Variants in KIAA1671 observed in about 807,000 individuals in gnomAD.
The protein encoded by KIAA1671 is KIAA1671.
Under a neutral mutation model 131.2 loss-of-function variants are expected in KIAA1671, and 52 were observed. That is an observed-to-expected ratio of 0.40 (90% CI 0.32 to 0.50). The LOEUF (loss-of-function observed/expected upper bound fraction) is 0.50, where lower values mean the gene tolerates loss of function less well. Among genes scored for constraint, KIAA1671 ranks in the 20% least tolerant of loss-of-function variants. The probability of loss-of-function intolerance (pLI) is 0.73; values close to 1 mark genes in which losing one functional copy is unlikely to be tolerated. For missense variants in KIAA1671, 2,360 were observed against 2,364.2 expected, an observed-to-expected ratio of 1.00 and a Z score of 0.04; for synonymous variants, 1,003 against 961.6, an observed-to-expected ratio of 1.04 and a Z score of -0.80.
chr22:25,062,094 C>T, intron 6 of KIAA1671: 1 of 151,462 alleles, frequency 6.6e-6, no homozygotes. Context: ...GCCATGTTGC[C>T]AAGGCTGGTA....
At chr22:24,962,802 A>T (rs1157127226) in intron 1 of KIAA1671, among the ~76,000 whole-genome samples, 2 of 152,118 alleles carry the variant, frequency 1.3e-5, no homozygotes, top group African/African-American at 4.8e-5. Context: ...GGGGCCCTGC[A>T]TCTGAGCCGG....
At chr22:24,994,399 G>A (rs969793272) in intron 1 of KIAA1671, among the ~76,000 whole-genome samples, 1 of 152,216 alleles carries the variant, frequency 6.6e-6, no homozygotes, top group Non-Finnish European at 1.5e-5. Flanking sequence ...GGGCTCAGCT[G>A]TGCTGGGGAC....
intron 9 of KIAA1671, 53 bp downstream of exon 9, chr22:25,177,575 T>G (rs1934082146): frequency 4.1e-6 from 6 of 1,468,880 alleles, no homozygotes; most frequent in Non-Finnish European, 5.5e-6. Flanking sequence ...GCAGGAAGGA[T>G]TTAGACTAAG....
chr22:24,991,503 C>G (rs1342483953), intron 1 of KIAA1671, among the ~76,000 whole-genome samples: 1 of 151,552 alleles, frequency 6.6e-6, no homozygotes, highest in Non-Finnish European at 1.5e-5. Flanking sequence ...TGCTTTGTCC[C>G]CAGGCTGGAG....
chr22:25,016,025 CT>C (rs66878029), intron 1 of KIAA1671, among the ~76,000 whole-genome samples: 99,691 of 148,184 alleles, frequency 0.67, 34,822 homozygotes, highest in African/African-American at 0.89. Context: ...TCTTTTTTTT[CT>C]TTTTTTTTTT....
At chr22:24,980,607 G>A (rs1282886779) in intron 1 of KIAA1671, among the ~76,000 whole-genome samples, 1 of 151,956 alleles carries the variant, frequency 6.6e-6, no homozygotes, top group East Asian at 1.9e-4. Flanking sequence ...TGGAATTGCT[G>A]GATGACATGC....
At chr22:25,153,118 A>G (rs906441319) in intron 6 of KIAA1671, among the ~76,000 whole-genome samples, 2 of 152,172 alleles carry the variant, frequency 1.3e-5, no homozygotes, top group African/African-American at 4.8e-5. Flanking sequence ...AGTATAGTAT[A>G]TCAATAGTAT....
intron 1 of KIAA1671, among the ~76,000 whole-genome samples, chr22:24,984,997 T>C (rs1923443981): frequency 6.6e-6 from 1 of 151,276 alleles, no homozygotes; most frequent in Non-Finnish European, 1.5e-5. Context: ...GGAGGGTTGT[T>C]ATAGTATCCT....
intron 1 of KIAA1671, among the ~76,000 whole-genome samples, chr22:24,975,432 C>T (rs1046895168): frequency 6.6e-6 from 1 of 151,934 alleles, no homozygotes; most frequent in African/African-American, 2.4e-5. Context: ...AAGCCTCCTG[C>T]TTCAGCCTCC....
intron 3 of KIAA1671, among the ~76,000 whole-genome samples, chr22:25,029,928 A>G (rs1221853641): frequency 1.3e-5 from 2 of 152,258 alleles, no homozygotes; most frequent in African/African-American, 2.4e-5. Context: ...CCCTGAAGTC[A>G]GAGAGAGAAC....
chr22:25,043,980 A>G (rs1330448081), intron 5 of KIAA1671, among the ~76,000 whole-genome samples: 1 of 151,192 alleles, frequency 6.6e-6, no homozygotes, highest in African/African-American at 2.5e-5. Context: ...CTGGAAGTGG[A>G]TGCTGCAGAA....
At position 25,018,136 on chromosome 22, in the gene KIAA1671, C is replaced by A. The variant is rs370438366; in HGVS notation, c.-207-7497C>A. Among the ~76,000 whole-genome samples, 16 of 148,930 alleles carry A rather than the reference C, an allele frequency of 1.1e-4. No individual in the cohort carries two copies. In the South Asian group the frequency reaches 1.5e-3, roughly 14 times the overall value. ...TCTTTCTTTGGGCTTCTATAACCCC[C>A]CTGTCTGCCCCCATCAGGGCACCTC... On this transcript the variant is annotated intron_variant, in intron 1 of 12. Transcript: ENST00000358431.
At chr22:25,165,008 T>TGTCTGTGG (rs1933597471) in intron 6 of KIAA1671, among the ~76,000 whole-genome samples, 1 of 148,666 alleles carries the variant, frequency 6.7e-6, no homozygotes, top group Admixed American at 6.7e-5. Flanking sequence ...TGTGTGTGTG[T>TGTCTGTGG]GTGTGTGTGT....
intron 1 of KIAA1671, among the ~76,000 whole-genome samples, chr22:25,020,673 A>C (rs940083454): frequency 6.6e-6 from 1 of 152,194 alleles, no homozygotes; most frequent in African/African-American, 2.4e-5. Flanking sequence ...AGCCCCACTC[A>C]TGGAGCATTA....
At chr22:25,063,256 A>G (rs1418850140) in intron 6 of KIAA1671, 1 of 152,158 alleles carries the variant, frequency 6.6e-6, no homozygotes, top group Non-Finnish European at 1.5e-5. Context: ...AGTGTTGTCC[A>G]TGTAAAAGCT....
intron 1 of KIAA1671, among the ~76,000 whole-genome samples, chr22:24,982,302 CT>C (rs1467702664): frequency 1.3e-5 from 2 of 152,204 alleles, no homozygotes; most frequent in Non-Finnish European, 2.9e-5. Flanking sequence ...ATAAATGCCG[CT>C]TTCACTGCAG....
rs2145807672 is a variant in KIAA1671, at chr22:25,041,150, G to A, written c.4020G>A (p.Lys1340=). 6.4e-7 allele frequency: 1 copy of A among 1,551,466 alleles called. No individual in the cohort carries two copies. Among genetic ancestry groups the A allele is most frequent in the African/African-American group, 1.4e-5 (1 of 73,184 alleles). Residue 1340 remains lysine (K), a synonymous_variant, in exon 5 of 13, where the codon AAG becomes AAA. Coordinates refer to ENST00000358431, the MANE Select transcript of KIAA1671 (RefSeq NM_001145206.2). ...KAFASKHHVA[K]CQNYLAESKP... is the part of the protein sequence containing the mutation. Reference sequence around the variant, plus strand: ...TTGCCAGTAAACATCATGTTGCAAAGTGTCAGAATTACCTGGCTGAGTCAA... The same window carrying A: ...TTGCCAGTAAACATCATGTTGCAAAATGTCAGAATTACCTGGCTGAGTCAA...
In KIAA1671 at chr22:24,959,248, G is replaced by A. The variant is rs182292525; in HGVS notation, c.-208+6476G>A. On this transcript the variant is annotated intron_variant, in intron 1 of 12. Transcript: ENST00000358431. ...TGGTCAAGCACAGTGACTCAAACCT[G>A]TAATCTCAGCACTTTGGGAGTCAGA... is the stretch of plus-strand genomic sequence containing the variant. Among the ~76,000 whole-genome samples, 7 of 152,030 alleles carry A rather than the reference G, an allele frequency of 4.6e-5. No homozygotes were observed. In the East Asian group the frequency reaches 9.6e-4, roughly 21 times the overall value.
intron 1 of KIAA1671, chr22:25,012,452 T>C (rs1437699917): frequency 1.3e-5 from 2 of 152,002 alleles, no homozygotes; most frequent in East Asian, 3.9e-4. Flanking sequence ...TTTGTATTTT[T>C]AGTAGAGAAA....
Sources: gnomAD v4.1 joint callset for allele counts (sites outside exome capture counted in the v4.1 genomes callset) on GRCh38, gnomAD v4.1.1 for gene constraint, MANE v1.5 for transcripts, NCBI Gene and HGNC (gene_info 2026-07-23, HGNC 2026-07-21) for gene names.